Variants in C8A observed in about 807,000 individuals in gnomAD.
The protein encoded by C8A is complement C8 alpha chain.
C8A carries 67 observed loss-of-function variants against 65.3 expected under a neutral mutation model. That is an observed-to-expected ratio of 1.03 (90% CI 0.84 to 1.26). The LOEUF (loss-of-function observed/expected upper bound fraction) is 1.26. Ranked by LOEUF, C8A falls within the 50% of genes most tolerant of loss-of-function variation. The pLI is 0.00. For missense variants in C8A, 781 were observed against 723.9 expected, an observed-to-expected ratio of 1.08 and a Z score of -0.90; for synonymous variants, 290 against 259.4, an observed-to-expected ratio of 1.12 and a Z score of -1.13.
intron 1 of C8A, among the ~76,000 whole-genome samples, chr1:56,864,402 A>G (rs1209785051): frequency 6.6e-6 from 1 of 152,136 alleles, no homozygotes; most frequent in African/African-American, 2.4e-5. Context: ...GGTCTTATTG[A>G]AAGGGAGGAA....
intron 4 of C8A, among the ~76,000 whole-genome samples, chr1:56,880,799 C>A (rs1290310999): frequency 6.6e-6 from 1 of 152,132 alleles, no homozygotes; most frequent in Non-Finnish European, 1.5e-5. Flanking sequence ...CATGTTTCAA[C>A]TCATTTAACT....
chr1:56,870,668 T>C (rs1005962055), intron 2 of C8A, among the ~76,000 whole-genome samples: 1 of 146,194 alleles, frequency 6.8e-6, no homozygotes, highest in Non-Finnish European at 1.5e-5. Flanking sequence ...CTGTTATATA[T>C]CCTAAATTAA....
intron 2 of C8A, among the ~76,000 whole-genome samples, chr1:56,874,208 G>A (rs1644175268): frequency 6.6e-6 from 1 of 152,290 alleles, no homozygotes; most frequent in South Asian, 2.1e-4. Flanking sequence ...GAACTTGATT[G>A]GATGGGGTTG....
At position 56,874,999 on chromosome 1, in the gene C8A, C is replaced by T; in HGVS notation, c.222C>T (p.Cys74=). Residue 74 remains cysteine (C), a synonymous_variant, in exon 3 of 11, where the codon TGC becomes TGT. Coordinates refer to ENST00000361249, the MANE Select transcript of C8A (RefSeq NM_000562.3). ...LQPNKFGGTI[C]SGDIWDQASC... is the part of the protein sequence containing the mutation. ...CAAACAAGTTTGGGGGAACCATCTG[C>T]AGTGGTGACATCTGGGATCAAGCCA... The T allele has an allele frequency of 1.2e-6, 2 of 1,613,764 alleles. No homozygotes were observed. Among genetic ancestry groups the T allele is most frequent in the South Asian group, 1.1e-5 (1 of 91,068 alleles).
At chr1:56,884,316 T>G (rs1468034905) in intron 6 of C8A, among the ~76,000 whole-genome samples, 1 of 152,026 alleles carries the variant, frequency 6.6e-6, no homozygotes, top group Non-Finnish European at 1.5e-5. Context: ...TGAAAGTACT[T>G]CAGCCAGCTG....
intron 7 of C8A, among the ~76,000 whole-genome samples, chr1:56,888,978 T>C (rs1411164222): frequency 2.0e-5 from 3 of 152,142 alleles, no homozygotes; most frequent in Admixed American, 6.6e-5. Context: ...AGCCTTTCAT[T>C]TGGGCTCCCG....
chr1:56,870,033 G>C (rs1407419960), intron 2 of C8A, among the ~76,000 whole-genome samples: 4 of 152,132 alleles, frequency 2.6e-5, no homozygotes, highest in Non-Finnish European at 5.9e-5. Context: ...TCATCTCTGA[G>C]AAGTGCTGAA....
intron 6 of C8A, 43 bp from the exon 7 acceptor site, chr1:56,885,884 C>G (rs779105028): frequency 1.2e-6 from 2 of 1,612,898 alleles, no homozygotes; most frequent in Admixed American, 1.7e-5. Flanking sequence ...AAAATATATG[C>G]TCTCTTTGTT....
At chr1:56,859,000 A>G (rs1644004056) in intron 1 of C8A, among the ~76,000 whole-genome samples, 1 of 152,236 alleles carries the variant, frequency 6.6e-6, no homozygotes, top group Non-Finnish European at 1.5e-5. Flanking sequence ...TAAAGTACTT[A>G]TAACAGAACC....
At chr1:56,878,888 A>AT (rs377733160) in intron 4 of C8A, among the ~76,000 whole-genome samples, 1 of 152,304 alleles carries the variant, frequency 6.6e-6, no homozygotes, top group African/African-American at 2.4e-5. Flanking sequence ...ACACAGGTAT[A>AT]TTTTACATAA....
intron 2 of C8A, among the ~76,000 whole-genome samples, chr1:56,870,609 C>T (rs1405232373): frequency 1.3e-5 from 2 of 151,038 alleles, no homozygotes; most frequent in African/African-American, 4.9e-5. Flanking sequence ...GTAACGTTTA[C>T]AGGTTCCATA....
chr1:56,890,018 C>G (rs1644332268), intron 7 of C8A, among the ~76,000 whole-genome samples: 1 of 152,048 alleles, frequency 6.6e-6, no homozygotes, highest in African/African-American at 2.4e-5. Flanking sequence ...TTCATTCCTT[C>G]TTTGGAGCTG....
intron 7 of C8A, among the ~76,000 whole-genome samples, chr1:56,888,712 T>A (rs894752422): frequency 6.6e-6 from 1 of 152,090 alleles, no homozygotes; most frequent in Non-Finnish European, 1.5e-5. Flanking sequence ...TTTACTCAAG[T>A]GGGTCTTTTA....
intron 1 of C8A, among the ~76,000 whole-genome samples, chr1:56,860,888 G>A (rs1644027445): frequency 6.6e-6 from 1 of 152,216 alleles, no homozygotes; most frequent in African/African-American, 2.4e-5. Context: ...GAGGCAGGAA[G>A]AGAGTGAGGA....
intron 7 of C8A, among the ~76,000 whole-genome samples, chr1:56,904,522 T>A (rs1246465975): frequency 6.6e-6 from 1 of 152,242 alleles, no homozygotes; most frequent in Non-Finnish European, 1.5e-5. Context: ...AGGTGCTTAC[T>A]ACATTTTCCT....
chr1:56,908,889 G>A (rs993022574), intron 9 of C8A, among the ~76,000 whole-genome samples: 6 of 152,180 alleles, frequency 3.9e-5, no homozygotes, highest in African/African-American at 1.4e-4. Context: ...AGCTACTAGG[G>A]GCAGTTTTCC....
chr1:56,900,808 G>A (rs2284953), intron 7 of C8A, among the ~76,000 whole-genome samples: 5 of 152,154 alleles, frequency 3.3e-5, no homozygotes, highest in Admixed American at 2.6e-4. Context: ...TCTGTGCAGA[G>A]ATTTGCAAAC....
intron 7 of C8A, among the ~76,000 whole-genome samples, chr1:56,889,757 G>C (rs1295228002): frequency 6.6e-6 from 1 of 152,052 alleles, no homozygotes; most frequent in Non-Finnish European, 1.5e-5. Context: ...GATCCTCTCT[G>C]GGTTCGTTCC....
Position 56,881,439 on chromosome 1 carries a change from A to T in C8A, c.465-6A>T. On this transcript the variant is annotated splice_polypyrimidine_tract_variant and splice_region_variant and intron_variant, in intron 4 of 10. Coordinates refer to ENST00000361249, the MANE Select transcript of C8A (RefSeq NM_000562.3). ...AGCTATTTAGAAGCTGCTTTGTTCCATGTAGGTACAATATCCTGACCCAGG... is the reference window on the plus strand; with the variant it reads ...AGCTATTTAGAAGCTGCTTTGTTCCTTGTAGGTACAATATCCTGACCCAGG... The T allele has an allele frequency of 2.5e-6, 4 of 1,613,504 alleles. No homozygotes were observed. The highest frequency in any genetic ancestry group is 3.4e-6 in the Non-Finnish European group (4 of 1,179,560).
Sources: gnomAD v4.1 joint callset for allele counts (sites outside exome capture counted in the v4.1 genomes callset) on GRCh38, gnomAD v4.1.1 for gene constraint, MANE v1.5 for transcripts, NCBI Gene and HGNC (gene_info 2026-07-23, HGNC 2026-07-21) for gene names.